Variants in KANK4 observed in about 807,000 individuals in gnomAD.
The protein encoded by KANK4 is KN motif and ankyrin repeat domain-containing protein 4.
Under a neutral mutation model 80.8 loss-of-function variants are expected in KANK4, and 50 were observed. That is an observed-to-expected ratio of 0.62 (90% CI 0.49 to 0.78). The LOEUF is 0.78. Among genes scored for constraint, KANK4 ranks in the 30% least tolerant of loss-of-function variants. The pLI, the probability that KANK4 is intolerant of heterozygous loss-of-function variation, is 0.00. For synonymous variants in KANK4, 465 were observed against 506.9 expected (o/e 0.92, Z 1.11); for missense variants, 1,196 against 1,240.1 (o/e 0.96, Z 0.53).
Position 62,273,437 on chromosome 1 carries a change from G to A in KANK4, c.1667C>T (p.Thr556Met), listed in dbSNP as rs538607952. 21 of 1,613,690 alleles carry A rather than the reference G, an allele frequency of 1.3e-5. No individual in the cohort carries two copies. Among genetic ancestry groups the A allele is most frequent in the East Asian group, 2.2e-5 (1 of 44,876 alleles). The change falls in exon 3 of 10, where the codon ACG becomes ATG. Residue 556 changes from threonine to methionine, a missense_variant. Transcript: ENST00000371153. ...CACATACTGCCCAATAGTGGCATCCGTTGGCGAGCTTGGTGGCCTTCCCGG... is the reference window on the plus strand; with the variant it reads ...CACATACTGCCCAATAGTGGCATCCATTGGCGAGCTTGGTGGCCTTCCCGG... The part of the protein sequence containing the change: ...EHPGRPPSSP[T>M]DATIGQYVKK...
chr1:62,242,237 T>C (rs963087793), intron 9 of KANK4, among the ~76,000 whole-genome samples: 1 of 151,510 alleles, frequency 6.6e-6, no homozygotes, highest in African/African-American at 2.4e-5. Context: ...TGGCTCATGC[T>C]TGTAATCCCA....
intron 1 of KANK4, among the ~76,000 whole-genome samples, chr1:62,300,286 GC>G (rs1322790371): frequency 6.6e-6 from 1 of 152,146 alleles, no homozygotes; most frequent in African/African-American, 2.4e-5. Context: ...TCAAAGACCA[GC>G]CTCGACAGAT....
rs768235868 is a variant in KANK4, at chr1:62,238,248, G to T, written c.*29C>A. The T allele has an allele frequency of 3.2e-6, 5 of 1,543,600 alleles. No individual in the cohort carries two copies. In the African/African-American group the frequency reaches 5.4e-5, roughly 17 times the overall value. ...GAGGAGTCCAGAGAAGAAGGCTTTT[G>T]TTCCCCACGGCCAGTTCTTCTGCAG... On this transcript the variant is annotated 3_prime_UTR_variant, in exon 10 of 10. Coordinates refer to ENST00000371153, the MANE Select transcript of KANK4 (RefSeq NM_181712.5).
intron 7 of KANK4, among the ~76,000 whole-genome samples, chr1:62,254,067 C>T (rs1436493905): frequency 6.6e-6 from 1 of 152,130 alleles, no homozygotes; most frequent in Admixed American, 6.5e-5. Flanking sequence ...TTCCAAGGGC[C>T]TAGGGGTCTA....
At chr1:62,249,724 G>A (rs1407474751) in intron 8 of KANK4, among the ~76,000 whole-genome samples, 2 of 151,866 alleles carry the variant, frequency 1.3e-5, no homozygotes, top group Non-Finnish European at 2.9e-5. Context: ...TGTATGTTTA[G>A]TAGAGACGGG....
chr1:62,273,747 C>A lies in KANK4; in HGVS notation c.1357G>T (p.Gly453Cys). Reference sequence around the variant, plus strand: ...TGACCATCTGGCCCCCATAGGAGGCCATTCTCCTCTCCTCGGTGCCCCCAG... The same window carrying A: ...TGACCATCTGGCCCCCATAGGAGGCAATTCTCCTCTCCTCGGTGCCCCCAG... ...ESWGHRGEENGLLWGPDGHKQ... is the reference protein window; with the variant it reads ...ESWGHRGEENCLLWGPDGHKQ... Residue 453 changes from glycine (G) to cysteine (C), a missense_variant, in exon 3 of 10, where the codon GGC becomes TGC. Physicochemically the swap from Gly to Cys is radical, Grantham distance 159 (BLOSUM62 -3). Around this residue, in one of 3 missense-constraint regions of KANK4, gnomAD observed 1,154 missense variants for 1,179.6 expected, o/e 0.98. Coordinates refer to ENST00000371153, the MANE Select transcript of KANK4 (RefSeq NM_181712.5). The A allele has an allele frequency of 1.2e-6, 2 of 1,614,124 alleles. No individual in the cohort carries two copies. The highest frequency in any genetic ancestry group is 1.7e-6 in the Non-Finnish European group (2 of 1,180,008).
chr1:62,284,934 A>C (rs1337267209), intron 1 of KANK4, among the ~76,000 whole-genome samples: 2 of 152,204 alleles, frequency 1.3e-5, no homozygotes, highest in Non-Finnish European at 2.9e-5. Context: ...CATGGTTCTT[A>C]GATGAACAAA....
At chr1:62,239,390 A>C (rs1282689138) in intron 9 of KANK4, among the ~76,000 whole-genome samples, 1 of 152,076 alleles carries the variant, frequency 6.6e-6, no homozygotes, top group Non-Finnish European at 1.5e-5. Flanking sequence ...ATTTTTGCTA[A>C]TTATGGAAAT....
intron 1 of KANK4, among the ~76,000 whole-genome samples, chr1:62,289,404 T>A (rs1672635438): frequency 6.6e-6 from 1 of 152,132 alleles, no homozygotes; most frequent in Non-Finnish European, 1.5e-5. Flanking sequence ...AAAATGTTTT[T>A]TTCAAAGAGC....
In KANK4 at chr1:62,285,846, C is replaced by G. The variant is rs2765253; in HGVS notation, c.-70-4212G>C. 9.6e-3 allele frequency among the ~76,000 whole-genome samples: 1,455 copies of G among 152,260 alleles called. 20 individuals carry two copies. The highest frequency in any genetic ancestry group is 0.033 in the African/African-American group (1,364 of 41,538). On this transcript the variant is annotated intron_variant, in intron 1 of 9. Coordinates refer to ENST00000371153, the MANE Select transcript of KANK4 (RefSeq NM_181712.5). Reference sequence around the variant, plus strand: ...CATGCCAAGATGATGAGAGCTTCCTCTTTCCCCATCCCAGGACCCCAGCCT... The same window carrying G: ...CATGCCAAGATGATGAGAGCTTCCTGTTTCCCCATCCCAGGACCCCAGCCT...
chr1:62,277,708 C>T (rs1672343877), intron 2 of KANK4, among the ~76,000 whole-genome samples: 1 of 152,114 alleles, frequency 6.6e-6, no homozygotes, highest in Non-Finnish European at 1.5e-5. Flanking sequence ...CCCAGTCAGC[C>T]CCAAGCAGTT....
At chr1:62,269,946 A>G (rs114648128) in intron 4 of KANK4, among the ~76,000 whole-genome samples, 4,450 of 152,310 alleles carry the variant, frequency 0.029, 84 homozygotes, top group Non-Finnish European at 0.042. Context: ...GTGTTCAGGG[A>G]AAGGATTCAG....
At position 62,238,210 on chromosome 1, in the gene KANK4, T is replaced by C. The variant is rs1340085571; in HGVS notation, c.*67A>G. 3.3e-6 allele frequency: 4 copies of C among 1,208,204 alleles called. No individual in the cohort carries two copies. The African/African-American group carries it at 6.0e-5, about 18-fold the overall frequency. The allele number at this position is 1,208,204 out of a possible 1,614,324, so 74.8% of individuals were successfully genotyped here. On this transcript the variant is annotated 3_prime_UTR_variant, in exon 10 of 10. Transcript: ENST00000371153. ...TCTCTGGCCTGTGACCTCTGCCCTC[T>C]TCAAGGGCGAGGGAGGAGTCCAGAG...
At chr1:62,251,388 A>C (rs530996585) in intron 8 of KANK4, among the ~76,000 whole-genome samples, 9 of 152,340 alleles carry the variant, frequency 5.9e-5, no homozygotes, top group Non-Finnish European at 1.2e-4. Context: ...GTAAAAGCCC[A>C]GACTCTTCAC....
rs139027741 is a variant in KANK4 at position 62,251,005 on chromosome 1, T to C, written c.2682+2062A>G. Among the ~76,000 whole-genome samples, 72 of 152,356 alleles carry C rather than the reference T, an allele frequency of 4.7e-4. 1 individual carries two copies. Among genetic ancestry groups the C allele is most frequent in the African/African-American group, 1.6e-3 (68 of 41,580 alleles). ...GTCTCTTGCTTTTTTGCACATCTTGTGAGTAAAGCACACCACAATCTGCCC... is the reference window on the plus strand; with the variant it reads ...GTCTCTTGCTTTTTTGCACATCTTGCGAGTAAAGCACACCACAATCTGCCC... On this transcript the variant is annotated intron_variant, in intron 8 of 9. Transcript: ENST00000371153.
intron 7 of KANK4, among the ~76,000 whole-genome samples, chr1:62,261,524 C>T (rs183810774): frequency 2.0e-5 from 3 of 152,092 alleles, no homozygotes; most frequent in Non-Finnish European, 4.4e-5. Context: ...CACTACCTCT[C>T]TGTGGACCTC....
In KANK4 at chr1:62,259,232, C is replaced by T. The variant is rs550945829; in HGVS notation, c.2539+3860G>A. Among the ~76,000 whole-genome samples, 4 of 152,226 alleles carry T rather than the reference C, an allele frequency of 2.6e-5. No individual in the cohort carries two copies. In the South Asian group the frequency reaches 6.2e-4, roughly 24 times the overall value. Reference sequence around the variant, plus strand: ...TCCTAAAAGAAGAGTTATGCTCTACCTCCTAGATGGCAGAAATGAAAAGAG... The same window carrying T: ...TCCTAAAAGAAGAGTTATGCTCTACTTCCTAGATGGCAGAAATGAAAAGAG... On this transcript the variant is annotated intron_variant, in intron 7 of 9. Coordinates refer to ENST00000371153, the MANE Select transcript of KANK4 (RefSeq NM_181712.5).
chr1:62,288,010 G>T (rs1243616928), intron 1 of KANK4, among the ~76,000 whole-genome samples: 1 of 152,044 alleles, frequency 6.6e-6, no homozygotes, highest in African/African-American at 2.4e-5. Context: ...TTCTAAACTG[G>T]CTAGAGAACA....
chr1:62,309,478 CCCTATTTT>C (rs1644480688), intron 1 of KANK4, among the ~76,000 whole-genome samples: 1 of 152,076 alleles, frequency 6.6e-6, no homozygotes, highest in African/African-American at 2.4e-5. Context: ...GGATCTTTTA[CCCTATTTT>C]AAAGGCAAGA....
Sources: allele counts gnomAD v4.1 joint callset (sites outside exome capture counted in the v4.1 genomes callset), GRCh38; gene constraint gnomAD v4.1.1; regional missense constraint gnomAD v4.1.1; transcripts MANE v1.5; gene names NCBI Gene and HGNC (gene_info 2026-07-23, HGNC 2026-07-21).